RIT2: variants seen among roughly 807,000 people sequenced by gnomAD.
RIT2 encodes Ras like without CAAX 2.
RIT2 carries 24 observed loss-of-function variants against 23.7 expected under a neutral mutation model. That is an observed-to-expected ratio of 1.01 (90% confidence interval 0.73 to 1.43). RIT2 has a LOEUF of 1.43. Among genes scored for constraint, RIT2 ranks in the 40% most tolerant of loss-of-function variants. The pLI, the probability that RIT2 is intolerant of heterozygous loss-of-function variation, is 0.00. For missense variants in RIT2, 236 were observed against 266.9 expected, an observed-to-expected ratio of 0.88 and a Z score of 0.81; for synonymous variants, 107 against 91.1, an observed-to-expected ratio of 1.17 and a Z score of -0.99.
chr18:42,761,386 C>T (rs1913298899), intron 4 of RIT2, among the ~76,000 whole-genome samples: 1 of 152,102 alleles, frequency 6.6e-6, no homozygotes, highest in South Asian at 2.1e-4. Flanking sequence ...ATTTGCTTAT[C>T]ACTTGTCTAT....
At chr18:42,976,664 A>G (rs1292646239) in intron 2 of RIT2, among the ~76,000 whole-genome samples, 1 of 152,088 alleles carries the variant, frequency 6.6e-6, no homozygotes, top group East Asian at 1.9e-4. Context: ...AGTGTCTTGC[A>G]TGTAAAAAAA....
intron 4 of RIT2, among the ~76,000 whole-genome samples, chr18:42,767,026 G>T (rs559446827): frequency 6.6e-6 from 1 of 152,330 alleles, no homozygotes; most frequent in East Asian, 1.9e-4. Context: ...TTGCTGCAGG[G>T]CAGGTCCCTC....
chr18:42,833,944 G>A (rs549091374), intron 4 of RIT2, among the ~76,000 whole-genome samples: 4 of 152,246 alleles, frequency 2.6e-5, no homozygotes, highest in African/African-American at 9.6e-5. Flanking sequence ...GAAACATTAT[G>A]TTGTTGTTAT....
chr18:43,071,727 A>C (rs906007361), intron 1 of RIT2, among the ~76,000 whole-genome samples: 1 of 152,070 alleles, frequency 6.6e-6, no homozygotes, highest in Non-Finnish European at 1.5e-5. Context: ...TACTTTGACA[A>C]ATTATTTTAA....
intron 2 of RIT2, among the ~76,000 whole-genome samples, chr18:42,990,094 A>C (rs1413889607): frequency 6.6e-6 from 1 of 151,918 alleles, no homozygotes; most frequent in East Asian, 1.9e-4. Flanking sequence ...TCAGATCTGC[A>C]GCCAACATGC....
intron 3 of RIT2, among the ~76,000 whole-genome samples, chr18:42,961,419 G>A (rs1481923594): frequency 1.2e-4 from 18 of 152,168 alleles, no homozygotes; most frequent in Non-Finnish European, 2.9e-5. Flanking sequence ...ACTGAATTCC[G>A]AATATGATTA....
chr18:43,042,728 C>T (rs1212359980), intron 1 of RIT2, among the ~76,000 whole-genome samples: 1 of 152,146 alleles, frequency 6.6e-6, no homozygotes, highest in African/African-American at 2.4e-5. Flanking sequence ...AGACCCTTGC[C>T]TTCTAAAGGT....
chr18:43,024,954 T>C (rs1911678759), intron 2 of RIT2, among the ~76,000 whole-genome samples: 1 of 151,906 alleles, frequency 6.6e-6, no homozygotes, highest in Non-Finnish European at 1.5e-5. Flanking sequence ...ATACCTGTAA[T>C]CTCAGAACTT....
intron 4 of RIT2, among the ~76,000 whole-genome samples, chr18:42,869,931 G>A (rs1030788222): frequency 3.9e-5 from 6 of 152,204 alleles, no homozygotes; most frequent in Non-Finnish European, 7.3e-5. Context: ...TGTTGGTTGA[G>A]TTCCCTGCCA....
At chr18:42,749,880 A>G (rs1486925495) in intron 4 of RIT2, among the ~76,000 whole-genome samples, 1 of 151,492 alleles carries the variant, frequency 6.6e-6, no homozygotes, top group Admixed American at 6.6e-5. Flanking sequence ...GTGTAGATGT[A>G]TGCAACAAAG....
chr18:43,048,021 C>T (rs1912289460), intron 1 of RIT2, among the ~76,000 whole-genome samples: 1 of 152,052 alleles, frequency 6.6e-6, no homozygotes, highest in Non-Finnish European at 1.5e-5. Flanking sequence ...TCAGGGATAA[C>T]CCACAGGGAT....
intron 3 of RIT2, among the ~76,000 whole-genome samples, chr18:42,941,809 A>G (rs1909606625): frequency 6.6e-6 from 1 of 152,120 alleles, no homozygotes. Flanking sequence ...TTTAATATGT[A>G]TGTTTTATTC....
intron 2 of RIT2, among the ~76,000 whole-genome samples, chr18:42,997,228 G>A (rs1010303323): frequency 2.0e-5 from 3 of 152,138 alleles, no homozygotes; most frequent in Admixed American, 1.3e-4. Flanking sequence ...ATTGGCACAT[G>A]TCCTTTTTAT....
chr18:43,056,216 T>C (rs1323555665), intron 1 of RIT2, among the ~76,000 whole-genome samples: 1 of 152,074 alleles, frequency 6.6e-6, no homozygotes, highest in African/African-American at 2.4e-5. Flanking sequence ...CTATATTTAA[T>C]ATTTAATAAT....
chr18:42,761,154 T>G (rs1473886904), intron 4 of RIT2, among the ~76,000 whole-genome samples: 2 of 152,230 alleles, frequency 1.3e-5, no homozygotes, highest in East Asian at 3.8e-4. Flanking sequence ...CCCATATGTT[T>G]CTTCTGCATA....
intron 4 of RIT2, among the ~76,000 whole-genome samples, chr18:42,756,280 T>C (rs1243686743): frequency 1.3e-5 from 2 of 152,152 alleles, no homozygotes; most frequent in Admixed American, 1.3e-4. Context: ...TGGAGAGATA[T>C]TGATTGAATG....
Position 43,115,587 on chromosome 18 carries a change from T to C in RIT2, c.-68A>G, listed in dbSNP as rs1914050880. The C allele has an allele frequency of 6.4e-7, 1 of 1,562,574 alleles. No homozygotes were observed. On this transcript the variant is annotated 5_prime_UTR_variant, in exon 1 of 5. Transcript: ENST00000326695. ...CCGTGTCAGGTGCTTGCTCGAATAT[T>C]AAGCAACTCTAAAACTGTGTCAAAG...
intron 4 of RIT2, among the ~76,000 whole-genome samples, chr18:42,862,195 T>C (rs1476484358): frequency 6.6e-6 from 1 of 152,120 alleles, no homozygotes; most frequent in East Asian, 1.9e-4. Flanking sequence ...GGTTCCCCTA[T>C]GCTGTTCTTA....
intron 2 of RIT2, among the ~76,000 whole-genome samples, chr18:42,987,100 T>C (rs1352469071): frequency 6.6e-6 from 1 of 152,184 alleles, no homozygotes; most frequent in African/African-American, 2.4e-5. Context: ...TGTGGCAGGC[T>C]GAATTATTGG....
Sources: gnomAD v4.1 joint callset for allele counts (sites outside exome capture counted in the v4.1 genomes callset) on GRCh38, gnomAD v4.1.1 for gene constraint, MANE v1.5 for transcripts, NCBI Gene and HGNC (gene_info 2026-07-23, HGNC 2026-07-21) for gene names.